CTNNA2: variants seen among roughly 807,000 people sequenced by gnomAD.
CTNNA2 encodes the protein catenin alpha 2.
A neutral mutation model predicts 101.0 loss-of-function variants in CTNNA2; 42 were observed. The observed-to-expected ratio is 0.42, with a 90% confidence interval of 0.32 to 0.54. The LOEUF is 0.54. Among genes scored for constraint, CTNNA2 ranks in the 20% least tolerant of loss-of-function variants. CTNNA2 has a pLI of 0.14. For synonymous variants in CTNNA2, 450 were observed against 456.4 expected (o/e 0.99, Z 0.18); for missense variants, 871 against 1,223.1 (o/e 0.71, Z 4.29).
intron 7 of CTNNA2, among the ~76,000 whole-genome samples, chr2:80,256,563 AT>A (rs1158812031): frequency 6.6e-6 from 1 of 152,142 alleles, no homozygotes; most frequent in Non-Finnish European, 1.5e-5. Flanking sequence ...CTACTTCTGG[AT>A]AAAAATATGT....
chr2:80,331,832 G>T (rs1671361258), intron 7 of CTNNA2, among the ~76,000 whole-genome samples: 1 of 152,000 alleles, frequency 6.6e-6, no homozygotes, highest in South Asian at 2.1e-4. Context: ...CAGAATCTTG[G>T]CTATGATTGT....
At chr2:79,248,101 C>T (rs1467387161) in intron 2 of CTNNA2, among the ~76,000 whole-genome samples, 1 of 152,138 alleles carries the variant, frequency 6.6e-6, no homozygotes, top group African/African-American at 2.4e-5. Context: ...TATTTATTTC[C>T]GACCAGTGGG....
chr2:79,474,867 C>A (rs967387740), intron 4 of CTNNA2, among the ~76,000 whole-genome samples: 3 of 152,100 alleles, frequency 2.0e-5, no homozygotes, highest in Non-Finnish European at 4.4e-5. Context: ...GCCTTTATTT[C>A]CTCTAGTCTT....
chr2:79,335,988 G>T (rs1676986130), intron 3 of CTNNA2, among the ~76,000 whole-genome samples: 1 of 152,160 alleles, frequency 6.6e-6, no homozygotes, highest in South Asian at 2.1e-4. Flanking sequence ...GTTAGGGAGA[G>T]ATCAAGTAAG....
intron 7 of CTNNA2, among the ~76,000 whole-genome samples, chr2:79,950,152 A>C (rs1021762097): frequency 1.3e-5 from 2 of 151,202 alleles, no homozygotes; most frequent in African/African-American, 4.9e-5. Context: ...AAAAAAAAAA[A>C]CCATAAACTA....
intron 1 of CTNNA2, among the ~76,000 whole-genome samples, chr2:79,648,241 A>G (rs965373962): frequency 3.3e-5 from 5 of 152,148 alleles, no homozygotes; most frequent in Non-Finnish European, 7.3e-5. Flanking sequence ...CACATACCAA[A>G]TCATCAATTC....
At chr2:79,911,757 G>A (rs1685815754) in intron 7 of CTNNA2, among the ~76,000 whole-genome samples, 1 of 152,172 alleles carries the variant, frequency 6.6e-6, no homozygotes, top group Admixed American at 6.5e-5. Context: ...CATGATCAAA[G>A]CCTGAAATAA....
chr2:80,559,877 T>TA (rs1558586907), intron 12 of CTNNA2, among the ~76,000 whole-genome samples: 3 of 145,446 alleles, frequency 2.1e-5, no homozygotes, highest in African/African-American at 7.6e-5. Context: ...CGATATCATA[T>TA]TTATATATAT....
intron 15 of CTNNA2, among the ~76,000 whole-genome samples, chr2:80,591,325 C>T (rs192783335): frequency 6.6e-5 from 10 of 152,022 alleles, no homozygotes; most frequent in East Asian, 1.9e-4. Flanking sequence ...CATGATGAGT[C>T]GTTTTGTGTT....
Position 80,498,123 on chromosome 2 carries a change from A to G in CTNNA2, c.1291-46859A>G, listed in dbSNP as rs192799363. ...CAAGTCTCTTAGTTAATAAACAACA[A>G]ACAAACAACAACCAAAAAAACCACT... On this transcript the variant is annotated intron_variant, in intron 9 of 18. Transcript: ENST00000402739. Among the ~76,000 whole-genome samples, 8 of 152,298 alleles carry G rather than the reference A, an allele frequency of 5.3e-5. No homozygotes were observed. In the East Asian group the frequency reaches 1.5e-3, roughly 29 times the overall value.
chr2:80,162,588 G>A (rs1284588128), intron 7 of CTNNA2: 6 of 1,610,344 alleles, frequency 3.7e-6, no homozygotes, highest in Non-Finnish European at 5.1e-6. Context: ...CCCATGATCA[G>A]TGTAACGCTG....
intron 7 of CTNNA2, among the ~76,000 whole-genome samples, chr2:79,931,160 C>T (rs535906291): frequency 1.3e-5 from 2 of 152,216 alleles, no homozygotes; most frequent in Non-Finnish European, 2.9e-5. Context: ...CTGCACAATG[C>T]AACTGTTCAC....
intron 7 of CTNNA2, among the ~76,000 whole-genome samples, chr2:80,015,383 G>A (rs535515804): frequency 2.9e-4 from 44 of 152,194 alleles, no homozygotes; most frequent in African/African-American, 8.7e-4. Context: ...AGCAGGGCTC[G>A]TTCACAGCCA....
At chr2:80,486,185 C>T (rs1686568553) in intron 9 of CTNNA2, among the ~76,000 whole-genome samples, 2 of 152,114 alleles carry the variant, frequency 1.3e-5, no homozygotes, top group African/African-American at 2.4e-5. Context: ...TTGATAGACA[C>T]ATATCAATTG....
intron 1 of CTNNA2, among the ~76,000 whole-genome samples, chr2:79,599,125 A>G (rs1294186359): frequency 2.0e-5 from 3 of 152,034 alleles, no homozygotes; most frequent in Non-Finnish European, 2.9e-5. Flanking sequence ...ATGTGGGCCT[A>G]TGTCTGGGAT....
rs182126719 is a variant in CTNNA2 at position 80,292,060 on chromosome 2, A to G, written c.1057-101151A>G. On this transcript the variant is annotated intron_variant, in intron 7 of 18. Transcript: ENST00000402739. ...AATTCAGGTTTTTGAGTCTCATCCT[A>G]TCACAGAAGAAAATGGTGACAGCCT... Among the ~76,000 whole-genome samples, 387 of 152,320 alleles carry G rather than the reference A, an allele frequency of 2.5e-3. 1 individual carries two copies. The highest frequency in any genetic ancestry group is 8.9e-3 in the African/African-American group (371 of 41,568).
At chr2:79,591,830 T>A (rs2103988201) in intron 1 of CTNNA2, among the ~76,000 whole-genome samples, 1 of 151,900 alleles carries the variant, frequency 6.6e-6, no homozygotes, top group South Asian at 2.1e-4. Flanking sequence ...TCTTTTTAAT[T>A]TTTTTTTGGT....
At chr2:79,257,568 A>AAGAAGTCAT (rs1320176335) in intron 2 of CTNNA2, among the ~76,000 whole-genome samples, 1 of 152,082 alleles carries the variant, frequency 6.6e-6, no homozygotes, top group Non-Finnish European at 1.5e-5. Context: ...AGGATTTCAA[A>AAGAAGTCAT]AGAAGTCATA....
At chr2:80,331,023 T>G (rs868046505) in intron 7 of CTNNA2, among the ~76,000 whole-genome samples, 8,433 of 53,026 alleles carry the variant, frequency 0.16, 305 homozygotes, top group African/African-American at 0.46. Context: ...AACTGTATGT[T>G]TTTTTTTTTT....
Sources: gnomAD v4.1 joint callset for allele counts (sites outside exome capture counted in the v4.1 genomes callset) on GRCh38, gnomAD v4.1.1 for gene constraint, MANE v1.5 for transcripts, NCBI Gene and HGNC (gene_info 2026-07-23, HGNC 2026-07-21) for gene names.